PCSK2: variants seen among roughly 807,000 people sequenced by gnomAD.
PCSK2 encodes neuroendocrine convertase 2.
A neutral mutation model predicts 69.7 loss-of-function variants in PCSK2; 14 were observed. That is an observed-to-expected ratio of 0.20 (90% CI 0.13 to 0.31). The LOEUF is 0.31. Ranked by LOEUF, PCSK2 falls within the 10% of genes least tolerant of loss-of-function variation. The pLI is 1.00. For synonymous variants in PCSK2, 307 were observed against 320.7 expected, an observed-to-expected ratio of 0.96 and a Z score of 0.46; for missense variants, 544 against 842.5, an observed-to-expected ratio of 0.65 and a Z score of 4.39.
At chr20:17,405,166 G>A (rs892615754) in intron 5 of PCSK2, among the ~76,000 whole-genome samples, 2 of 152,194 alleles carry the variant, frequency 1.3e-5, no homozygotes, top group African/African-American at 2.4e-5. Flanking sequence ...TTTTGAAGAT[G>A]AGGAAACTAC....
intron 5 of PCSK2, among the ~76,000 whole-genome samples, chr20:17,395,629 G>T (rs1488905431): frequency 6.6e-6 from 1 of 152,054 alleles, no homozygotes; most frequent in African/African-American, 2.4e-5. Flanking sequence ...CTGCTGTGGG[G>T]CTCACACAAA....
At chr20:17,310,971 C>T (rs1420419395) in intron 2 of PCSK2, among the ~76,000 whole-genome samples, 1 of 145,462 alleles carries the variant, frequency 6.9e-6, no homozygotes, top group Non-Finnish European at 1.5e-5. Context: ...CACTGCACTC[C>T]AGCCTGGGCT....
At chr20:17,414,490 A>C (rs2031951974) in intron 6 of PCSK2, among the ~76,000 whole-genome samples, 1 of 152,234 alleles carries the variant, frequency 6.6e-6, no homozygotes, top group African/African-American at 2.4e-5. Context: ...ACCAGGAAGA[A>C]GTTGAATCTC....
chr20:17,337,194 A>C (rs1312203781), intron 2 of PCSK2, among the ~76,000 whole-genome samples: 1 of 152,236 alleles, frequency 6.6e-6, no homozygotes, highest in Non-Finnish European at 1.5e-5. Context: ...CCTGTTTCCA[A>C]TATGTGCTTC....
chr20:17,371,575 T>A (rs547701225), intron 5 of PCSK2, among the ~76,000 whole-genome samples: 1 of 152,150 alleles, frequency 6.6e-6, no homozygotes, highest in African/African-American at 2.4e-5. Flanking sequence ...TCAAAAAATA[T>A]GAAAAAGCAT....
At chr20:17,348,998 A>T (rs555736554) in intron 2 of PCSK2, among the ~76,000 whole-genome samples, 14 of 152,274 alleles carry the variant, frequency 9.2e-5, no homozygotes, top group South Asian at 6.2e-4. Flanking sequence ...TGGTGTCTTC[A>T]TGCCTTCACT....
At chr20:17,439,138 C>CT (rs201645545) in intron 8 of PCSK2, among the ~76,000 whole-genome samples, 8 of 149,820 alleles carry the variant, frequency 5.3e-5, no homozygotes, top group African/African-American at 1.2e-4. Context: ...TTTCTTCTAC[C>CT]TTTTTTTTTT....
chr20:17,476,309 C>T (rs34034161), intron 11 of PCSK2, among the ~76,000 whole-genome samples: 13,497 of 152,174 alleles, frequency 0.089, 716 homozygotes, highest in African/African-American at 0.14. Flanking sequence ...AATTTAGACC[C>T]GCACTGTCCA....
chr20:17,312,580 C>T (rs1989550766), intron 2 of PCSK2, among the ~76,000 whole-genome samples: 2 of 152,168 alleles, frequency 1.3e-5, no homozygotes, highest in Non-Finnish European at 2.9e-5. Context: ...ATCACCTGAC[C>T]TGACCCCCAG....
intron 2 of PCSK2, among the ~76,000 whole-genome samples, chr20:17,306,397 T>C (rs948314648): frequency 6.6e-6 from 1 of 152,152 alleles, no homozygotes; most frequent in African/African-American, 2.4e-5. Flanking sequence ...AGGCTGAAGC[T>C]TCCCAAAGAG....
chr20:17,331,693 A>G (rs184982824), intron 2 of PCSK2, among the ~76,000 whole-genome samples: 6 of 152,110 alleles, frequency 3.9e-5, no homozygotes, highest in African/African-American at 1.4e-4. Flanking sequence ...ATTATTGGAG[A>G]GAAGGTAAAA....
chr20:17,322,285 G>T (rs566226506), intron 2 of PCSK2, among the ~76,000 whole-genome samples: 2 of 152,244 alleles, frequency 1.3e-5, no homozygotes, highest in East Asian at 3.9e-4. Context: ...CTTTGGGTTG[G>T]TAAGCATATG....
At chr20:17,308,903 C>G (rs1237639304) in intron 2 of PCSK2, among the ~76,000 whole-genome samples, 1 of 152,126 alleles carries the variant, frequency 6.6e-6, no homozygotes, top group Non-Finnish European at 1.5e-5. Flanking sequence ...TGAGGCCTAA[C>G]CTGAGAACTC....
rs2033408334 is a variant in PCSK2 at position 17,481,840 on chromosome 20, G to T, written c.1687G>T (p.Asp563Tyr). The T allele has an allele frequency of 1.2e-6, 2 of 1,614,038 alleles. No individual in the cohort carries two copies. The highest frequency in any genetic ancestry group is 2.7e-5 in the African/African-American group (2 of 74,910). Residue 563 changes from aspartate to tyrosine, a missense_variant, in exon 12 of 12, where the codon GAC becomes TAC. By Grantham distance (160) the Asp-to-Tyr change is radical. Transcript: ENST00000262545. ...CATGACCACTCACACGTGGGGGGAA[G>T]ACGCCCGAGGCACCTGGACCCTGGA... is the stretch of plus-strand genomic sequence containing the variant. ...PFMTTHTWGE[D>Y]ARGTWTLELG...
At position 17,388,647 on chromosome 20, in the gene PCSK2, G is replaced by A. The variant is rs79659095; in HGVS notation, c.543+19370G>A. Among the ~76,000 whole-genome samples the A allele has an allele frequency of 4.3e-3, 662 of 152,208 alleles. 5 individuals are homozygous for A. Among genetic ancestry groups the A allele is most frequent in the African/African-American group, 0.015 (627 of 41,530 alleles). ...GTTCAGGCACTAGGGTCCTGAAGGA[G>A]TCTTGTGCACAGGAAATTCAGGAGG... On this transcript the variant is annotated intron_variant, in intron 5 of 11. Coordinates refer to ENST00000262545, the MANE Select transcript of PCSK2 (RefSeq NM_002594.5).
intron 9 of PCSK2, among the ~76,000 whole-genome samples, chr20:17,454,942 T>C (rs776609876): frequency 6.6e-6 from 1 of 152,160 alleles, no homozygotes; most frequent in African/African-American, 2.4e-5. Flanking sequence ...AGCCTGTCCT[T>C]CCCACGAGCC....
At chr20:17,438,528 A>G (rs769522642) in intron 8 of PCSK2, among the ~76,000 whole-genome samples, 6 of 152,166 alleles carry the variant, frequency 3.9e-5, no homozygotes, top group Non-Finnish European at 8.8e-5. Flanking sequence ...GGGGGCAGGT[A>G]TGGAATTAAT....
At chr20:17,418,983 G>A (rs2032063657) in intron 6 of PCSK2, among the ~76,000 whole-genome samples, 1 of 152,208 alleles carries the variant, frequency 6.6e-6, no homozygotes, top group African/African-American at 2.4e-5. Context: ...TGTCCAGCAC[G>A]AGATTCTCAC....
intron 1 of PCSK2, among the ~76,000 whole-genome samples, chr20:17,253,211 A>G (rs1987056776): frequency 6.6e-6 from 1 of 152,238 alleles, no homozygotes; most frequent in Admixed American, 6.5e-5. Flanking sequence ...TGATTAAGAT[A>G]TAGTTCACAT....
Sources: gnomAD v4.1 joint callset for allele counts (sites outside exome capture counted in the v4.1 genomes callset) on GRCh38, gnomAD v4.1.1 for gene constraint, MANE v1.5 for transcripts, NCBI Gene and HGNC (gene_info 2026-07-23, HGNC 2026-07-21) for gene names.